The following DNAJC15 variants were observed in gnomAD, a reference collection of about 807,000 sequenced individuals.
DNAJC15 encodes the protein dnaJ homolog subfamily C member 15.
DNAJC15 carries 27 observed loss-of-function variants against 22.4 expected under a neutral mutation model. The ratio of observed to expected loss-of-function variants is 1.20; its 90% CI spans 0.89 to 1.66. The LOEUF (loss-of-function observed/expected upper bound fraction) is 1.66, where lower values mean the gene tolerates loss of function less well. Ranked by LOEUF, DNAJC15 falls within the 40% of genes most tolerant of loss-of-function variation. The pLI is 0.00. For synonymous variants in DNAJC15, 79 were observed against 63.2 expected, an observed-to-expected ratio of 1.25 and a Z score of -1.19; for missense variants, 208 against 187.1, an observed-to-expected ratio of 1.11 and a Z score of -0.65.
intron 5 of DNAJC15, among the ~76,000 whole-genome samples, chr13:43,101,318 T>G (rs1164574359): frequency 6.6e-6 from 1 of 152,232 alleles, no homozygotes; most frequent in Non-Finnish European, 1.5e-5. Flanking sequence ...ATTGAGCCAC[T>G]GTACCTGGCT....
At chr13:43,092,199 T>C (rs1418291676) in intron 5 of DNAJC15, among the ~76,000 whole-genome samples, 1 of 152,236 alleles carries the variant, frequency 6.6e-6, no homozygotes, top group East Asian at 1.9e-4. Context: ...AAATCTTACA[T>C]ATGGATTTCT....
At chr13:43,023,845 G>C (rs1048621048) in intron 1 of DNAJC15, 111 bp downstream of exon 1, 4 of 1,016,762 alleles carry the variant, frequency 3.9e-6, no homozygotes, top group Admixed American at 4.7e-5. Flanking sequence ...TTCGCTCACG[G>C]TCTGTGCCCT....
intron 1 of DNAJC15, among the ~76,000 whole-genome samples, chr13:43,035,252 TAG>T (rs1230761583): frequency 6.6e-6 from 1 of 152,100 alleles, no homozygotes; most frequent in African/African-American, 2.4e-5. Context: ...TGAAAGGAAT[TAG>T]AGAGAGAGAA....
At chr13:43,028,380 A>G (rs1049152925) in intron 1 of DNAJC15, among the ~76,000 whole-genome samples, 15 of 151,728 alleles carry the variant, frequency 9.9e-5, no homozygotes, top group African/African-American at 3.4e-4. Context: ...AATTTTTTTC[A>G]TGGTATTCCT....
intron 2 of DNAJC15, 85 bp from the exon 3 acceptor site, chr13:43,068,845 A>G (rs1216229701): frequency 9.9e-6 from 11 of 1,115,868 alleles, no homozygotes; most frequent in Middle Eastern, 2.2e-4. Context: ...TAAACTATCA[A>G]TAAATACTGT....
chr13:43,074,316 A>G (rs1055811439), intron 3 of DNAJC15, among the ~76,000 whole-genome samples: 1 of 152,224 alleles, frequency 6.6e-6, no homozygotes, highest in Non-Finnish European at 1.5e-5. Context: ...ATTTATTGCT[A>G]ATTTTAGAAG....
chr13:43,063,150 C>T (rs976126993), intron 1 of DNAJC15, among the ~76,000 whole-genome samples: 1 of 152,136 alleles, frequency 6.6e-6, no homozygotes, highest in Non-Finnish European at 1.5e-5. Flanking sequence ...GCTGGGATTA[C>T]AGGCACACGC....
At position 43,107,310 on chromosome 13, in the gene DNAJC15, C is replaced by A. The variant is rs1253939503; in HGVS notation, c.*62C>A. 7.5e-6 allele frequency: 10 copies of A among 1,328,850 alleles called. No individual in the cohort carries two copies. Among genetic ancestry groups the A allele is most frequent in the South Asian group, 3.0e-5 (2 of 66,530 alleles). 82.3% of individuals were successfully genotyped at this position (1,328,850 alleles called of 1,614,324 possible). ...GACTTCGAAAAAAAAAAAAGCCCTGCAAAATATTCTAAAACATGGTCTTCT... is the reference window on the plus strand; with the variant it reads ...GACTTCGAAAAAAAAAAAAGCCCTGAAAAATATTCTAAAACATGGTCTTCT... On this transcript the variant is annotated 3_prime_UTR_variant, in exon 6 of 6. Coordinates refer to ENST00000379221, the MANE Select transcript of DNAJC15 (RefSeq NM_013238.3).
chr13:43,045,046 A>G (rs1016709044), intron 1 of DNAJC15, among the ~76,000 whole-genome samples: 1 of 151,180 alleles, frequency 6.6e-6, no homozygotes, highest in African/African-American at 2.4e-5. Flanking sequence ...CTTTATGTTG[A>G]CCATATAAGG....
At chr13:43,063,317 A>T (rs1465783367) in intron 1 of DNAJC15, among the ~76,000 whole-genome samples, 3 of 152,190 alleles carry the variant, frequency 2.0e-5, no homozygotes, top group Admixed American at 2.0e-4. Flanking sequence ...GCTTTTATTG[A>T]TAGTATTAAA....
At chr13:43,064,442 A>G (rs2040573506) in intron 1 of DNAJC15, among the ~76,000 whole-genome samples, 1 of 152,174 alleles carries the variant, frequency 6.6e-6, no homozygotes, top group African/African-American at 2.4e-5. Flanking sequence ...CCAATGAAGA[A>G]GTCTATTCAT....
At chr13:43,070,642 G>T (rs925747527) in intron 3 of DNAJC15, among the ~76,000 whole-genome samples, 1 of 152,086 alleles carries the variant, frequency 6.6e-6, no homozygotes, top group Non-Finnish European at 1.5e-5. Flanking sequence ...GAGCTTCCTA[G>T]GTGGTGGGAT....
chr13:43,095,431 TAGTC>T (rs1463478464), intron 5 of DNAJC15, among the ~76,000 whole-genome samples: 4 of 152,112 alleles, frequency 2.6e-5, no homozygotes, highest in Admixed American at 6.5e-5. Flanking sequence ...TTAAATGAAT[TAGTC>T]AGTAGATTGT....
intron 3 of DNAJC15, among the ~76,000 whole-genome samples, chr13:43,072,977 T>C (rs1054614644): frequency 2.6e-5 from 4 of 152,352 alleles, no homozygotes; most frequent in Admixed American, 1.3e-4. Flanking sequence ...TTAATTAGCA[T>C]TTGGCCAAAT....
intron 1 of DNAJC15, among the ~76,000 whole-genome samples, chr13:43,057,131 T>G (rs944168874): frequency 3.2e-4 from 48 of 152,202 alleles, no homozygotes; most frequent in African/African-American, 1.1e-3. Context: ...TTAGAGCTTC[T>G]TATATTTGGA....
At chr13:43,024,137 A>G (rs2040366883) in intron 1 of DNAJC15, among the ~76,000 whole-genome samples, 2 of 152,148 alleles carry the variant, frequency 1.3e-5, no homozygotes, top group Admixed American at 1.3e-4. Context: ...ATGAATAAAA[A>G]CAGTCCATTC....
intron 1 of DNAJC15, among the ~76,000 whole-genome samples, chr13:43,048,325 C>CAAAAAAAAAAAA (rs766125510): frequency 7.7e-6 from 1 of 130,358 alleles, no homozygotes; most frequent in Non-Finnish European, 1.7e-5. Flanking sequence ...ACTAAAAATA[C>CAAAAAAAAAAAA]AAAAAAAAAA....
At chr13:43,066,233 T>A (rs1009967124) in intron 2 of DNAJC15, among the ~76,000 whole-genome samples, 1 of 151,428 alleles carries the variant, frequency 6.6e-6, no homozygotes, top group Non-Finnish European at 1.5e-5. Flanking sequence ...AAATTACGTT[T>A]TTCGAAAGAA....
At chr13:43,049,295 G>T (rs1432411843) in intron 1 of DNAJC15, among the ~76,000 whole-genome samples, 1 of 152,116 alleles carries the variant, frequency 6.6e-6, no homozygotes, top group Non-Finnish European at 1.5e-5. Flanking sequence ...GTTACTGGCA[G>T]TTTAGTTTTA....
Sources: allele counts gnomAD v4.1 joint callset (sites outside exome capture counted in the v4.1 genomes callset), GRCh38; gene constraint gnomAD v4.1.1; transcripts MANE v1.5; gene names NCBI Gene and HGNC (gene_info 2026-07-23, HGNC 2026-07-21).